The following AKAP7 variants were observed in gnomAD, a reference collection of about 807,000 sequenced individuals.
AKAP7 encodes A-kinase anchoring protein 7.
AKAP7 carries 39 observed loss-of-function variants against 39.5 expected under a neutral mutation model. The ratio of observed to expected loss-of-function variants is 0.99; its 90% CI spans 0.76 to 1.29. AKAP7 has a LOEUF of 1.29. Ranked by LOEUF, AKAP7 falls within the 50% of genes most tolerant of loss-of-function variation. The pLI is 0.00. For synonymous variants in AKAP7, 140 were observed against 139.1 expected, an observed-to-expected ratio of 1.01 and a Z score of -0.05; for missense variants, 414 against 407.7, an observed-to-expected ratio of 1.02 and a Z score of -0.13.
chr6:131,198,685 T>TAG (rs1171684140), intron 5 of AKAP7, among the ~76,000 whole-genome samples: 1 of 152,164 alleles, frequency 6.6e-6, no homozygotes, highest in African/African-American at 2.4e-5. Context: ...CTCCTACTTA[T>TAG]AGAAGGCCTT....
At chr6:131,191,137 G>T (rs1447847072) in intron 5 of AKAP7, among the ~76,000 whole-genome samples, 1 of 152,168 alleles carries the variant, frequency 6.6e-6, no homozygotes, top group Non-Finnish European at 1.5e-5. Context: ...TGGAAATTAT[G>T]CTCTAATCAG....
intron 5 of AKAP7, among the ~76,000 whole-genome samples, chr6:131,172,564 G>A (rs1804174580): frequency 6.6e-6 from 1 of 152,014 alleles, no homozygotes; most frequent in Non-Finnish European, 1.5e-5. Context: ...TTGGCCTCAA[G>A]CAGTTGTCCC....
intron 7 of AKAP7, among the ~76,000 whole-genome samples, chr6:131,229,459 C>G (rs1585134107): frequency 6.6e-6 from 1 of 152,120 alleles, no homozygotes; most frequent in Non-Finnish European, 1.5e-5. Flanking sequence ...AGCGATTCTC[C>G]TGCCTCAGCC....
rs768658776 is a variant in AKAP7, at chr6:131,145,396, A to G, written c.131A>G (p.Asp44Gly). The change falls in exon 2 of 8, where the codon GAT becomes GGT. Residue 44 changes from aspartate to glycine, a missense_variant. Physicochemically the swap from Asp to Gly is moderately conservative, Grantham distance 94. Transcript: ENST00000431975. ...SLVDMPFATV[D>G]IQDDCGITDE... The stretch of plus-strand genomic sequence containing the variant: ...GTAGACATGCCATTTGCTACTGTAG[A>G]TATTCAGGATGACTGTGGAAGTAAG... 1.9e-6 allele frequency: 3 copies of G among 1,540,220 alleles called. No individual in the cohort carries two copies. The highest frequency in any genetic ancestry group is 1.9e-5 in the Admixed American group (1 of 51,890).
intron 7 of AKAP7, among the ~76,000 whole-genome samples, chr6:131,248,280 A>T (rs369034736): frequency 5.9e-5 from 9 of 152,382 alleles, no homozygotes; most frequent in Admixed American, 2.6e-4. Flanking sequence ...AGATAAAGAT[A>T]TCAAAACTCT....
In AKAP7 at chr6:131,194,092, C is replaced by G. The variant is rs550473498; in HGVS notation, c.590-5369C>G. 1.3e-3 allele frequency among the ~76,000 whole-genome samples: 190 copies of G among 151,908 alleles called. 2 individuals are homozygous for G. In the South Asian group the frequency reaches 0.037, roughly 30 times the overall value. ...TTCTACTAATTTTGGGTTGGGTTTGCTCTTGCTTTTCTAGTTCTTTAGAAT... is the reference window on the plus strand; with the variant it reads ...TTCTACTAATTTTGGGTTGGGTTTGGTCTTGCTTTTCTAGTTCTTTAGAAT... On this transcript the variant is annotated intron_variant, in intron 5 of 7. Coordinates refer to ENST00000431975, the MANE Select transcript of AKAP7 (RefSeq NM_016377.4).
intron 7 of AKAP7, among the ~76,000 whole-genome samples, chr6:131,238,220 G>A (rs1811240925): frequency 6.6e-6 from 1 of 152,180 alleles, no homozygotes; most frequent in African/African-American, 2.4e-5. Context: ...ACGGTTTTGA[G>A]TGAGTTTCTT....
Position 131,199,586 on chromosome 6 carries a change from T to C in AKAP7, c.702+13T>C, listed in dbSNP as rs745682477. The C allele has an allele frequency of 6.4e-7, 1 of 1,562,376 alleles. No individual in the cohort carries two copies. The highest frequency in any genetic ancestry group is 8.8e-7 in the Non-Finnish European group (1 of 1,133,068). On this transcript the variant is annotated intron_variant, in intron 6 of 7. Coordinates refer to ENST00000431975, the MANE Select transcript of AKAP7 (RefSeq NM_016377.4). ...GCTCCGTAAGAATGTGAGTGCATGT[T>C]CTTATTGCAAGCCTGTTTTACCAGG...
Position 131,219,645 on chromosome 6 carries a change from G to C in AKAP7, c.703-16G>C. Reference sequence around the variant, plus strand: ...GGTGAAATGATTGATTGATTGATTTGTTTTTTCATTTCAAGGGAGTGAAAA... The same window carrying C: ...GGTGAAATGATTGATTGATTGATTTCTTTTTTCATTTCAAGGGAGTGAAAA... On this transcript the variant is annotated splice_polypyrimidine_tract_variant and intron_variant, in intron 6 of 7. Coordinates refer to ENST00000431975, the MANE Select transcript of AKAP7 (RefSeq NM_016377.4). 1 of 1,582,020 alleles carries C rather than the reference G, an allele frequency of 6.3e-7. No individual in the cohort carries two copies. The highest frequency in any genetic ancestry group is 2.3e-5 in the East Asian group (1 of 43,210).
At chr6:131,159,488 GA>G (rs1423165349) in intron 2 of AKAP7, among the ~76,000 whole-genome samples, 1 of 152,072 alleles carries the variant, frequency 6.6e-6, no homozygotes, top group African/African-American at 2.4e-5. Flanking sequence ...TGAAATAAAA[GA>G]AAAGACCTAC....
At chr6:131,129,014 C>A in the AKAP7 span, among the ~76,000 whole-genome samples, 1 of 151,590 alleles carries the variant, frequency 6.6e-6, no homozygotes, top group Non-Finnish European at 1.5e-5. Context: ...GAGCTGGGTG[C>A]GGTGGCTCAC....
At chr6:131,187,563 A>G (rs879329659) in intron 5 of AKAP7, among the ~76,000 whole-genome samples, 74 of 152,286 alleles carry the variant, frequency 4.9e-4, no homozygotes, top group African/African-American at 1.7e-3. Context: ...TCTCTACTGT[A>G]GAAACTATAA....
chr6:131,270,474 G>A (rs962375754), intron 7 of AKAP7, among the ~76,000 whole-genome samples: 4 of 152,150 alleles, frequency 2.6e-5, no homozygotes, highest in Admixed American at 6.5e-5. Context: ...CAGTTGAAGA[G>A]TATTTGAGTT....
At chr6:131,221,900 T>G (rs1435296408) in intron 7 of AKAP7, among the ~76,000 whole-genome samples, 2 of 152,208 alleles carry the variant, frequency 1.3e-5, no homozygotes, top group African/African-American at 4.8e-5. Flanking sequence ...TTTAGTGTTA[T>G]TTTCATGCTT....
chr6:131,154,958 G>A (rs1168269415), intron 2 of AKAP7, among the ~76,000 whole-genome samples: 1 of 151,968 alleles, frequency 6.6e-6, no homozygotes, highest in African/African-American at 2.4e-5. Context: ...TAGTAAACTG[G>A]TAGTTAGATC....
intron 2 of AKAP7, among the ~76,000 whole-genome samples, chr6:131,148,758 C>G (rs1416883842): frequency 6.6e-6 from 1 of 152,090 alleles, no homozygotes; most frequent in Admixed American, 6.5e-5. Flanking sequence ...ATTGCCAACC[C>G]TTAAACCGTA....
intron 5 of AKAP7, among the ~76,000 whole-genome samples, chr6:131,176,220 G>C (rs1380593905): frequency 2.6e-5 from 4 of 151,930 alleles, no homozygotes; most frequent in South Asian, 2.1e-4. Context: ...TGAGGGAGCA[G>C]GTAAGGTGTA....
At chr6:131,256,716 T>A (rs1812888178) in intron 7 of AKAP7, among the ~76,000 whole-genome samples, 1 of 151,208 alleles carries the variant, frequency 6.6e-6, no homozygotes, top group African/African-American at 2.4e-5. Context: ...GACATTATTA[T>A]TATTATTATT....
chr6:131,236,782 C>G (rs1020817869), intron 7 of AKAP7, among the ~76,000 whole-genome samples: 33 of 152,194 alleles, frequency 2.2e-4, no homozygotes, highest in African/African-American at 7.9e-4. Context: ...CTGAAGTTGC[C>G]TATCAGCTTA....
Sources: gnomAD v4.1 joint callset for allele counts (sites outside exome capture counted in the v4.1 genomes callset) on GRCh38, gnomAD v4.1.1 for gene constraint, MANE v1.5 for transcripts, NCBI Gene and HGNC (gene_info 2026-07-23, HGNC 2026-07-21) for gene names.